APOH: variants seen among roughly 807,000 people sequenced by gnomAD.
APOH encodes apolipoprotein H, also known as beta-2-glycoprotein 1.
In APOH, 48 loss-of-function variants were observed where a neutral mutation model predicts 39.8. That is an observed-to-expected ratio of 1.21 (90% CI 0.96 to 1.54). The LOEUF is 1.54. Ranked by LOEUF, APOH falls within the 40% of genes most tolerant of loss-of-function variation. APOH has a pLI of 0.00. For synonymous variants in APOH, 153 were observed against 151.1 expected, an observed-to-expected ratio of 1.01 and a Z score of -0.09; for missense variants, 415 against 421.2, an observed-to-expected ratio of 0.99 and a Z score of 0.13.
rs779240883 is a variant in APOH at position 66,220,661 on chromosome 17, T to C, written c.497A>G (p.Tyr166Cys). 3 of 1,614,126 alleles carry C rather than the reference T, an allele frequency of 1.9e-6. No individual in the cohort carries two copies. The highest frequency in any genetic ancestry group is 2.2e-5 in the South Asian group (2 of 91,082). ...YKPSAGNNSLYRDTAVFECLP... is the reference protein window; with the variant it reads ...YKPSAGNNSLCRDTAVFECLP... ...ACATTCAAAAACTGCTGTGTCCCGA[T>C]AGAGGGAATTGTTTCCAGCTGATGG... is the stretch of plus-strand genomic sequence containing the variant. The change falls in exon 5 of 8, where the codon TAT (tyrosine) becomes TGT (cysteine). Residue 166 changes from tyrosine to cysteine, a missense_variant. Coordinates refer to ENST00000205948, the MANE Select transcript of APOH (RefSeq NM_000042.3).
At chr17:66,224,740 A>T (rs1324445191) in intron 3 of APOH, among the ~76,000 whole-genome samples, 2 of 146,600 alleles carry the variant, frequency 1.4e-5, no homozygotes, top group African/African-American at 5.1e-5. Context: ...AAGGAAAGGA[A>T]AGGAAAGGAA....
chr17:66,214,358 C>G, intron 7 of APOH, 95 bp downstream of exon 7: 1 of 1,246,292 alleles, frequency 8.0e-7, no homozygotes. Context: ...CGCACCTGGC[C>G]TCATCTGGTT....
At chr17:66,214,953 A>G (rs1223656703) in intron 6 of APOH, among the ~76,000 whole-genome samples, 1 of 149,834 alleles carries the variant, frequency 6.7e-6, no homozygotes, top group Non-Finnish European at 1.5e-5. Flanking sequence ...ACTAACAGAT[A>G]TTGACATTTC....
At chr17:66,220,404 C>T in intron 5 of APOH, 150 bp downstream of exon 5, 1 of 711,572 alleles carries the variant, frequency 1.4e-6, no homozygotes, top group East Asian at 2.7e-5. Context: ...TCCACAGTGC[C>T]CAGCACACTG....
At chr17:66,217,350 C>T (rs898818886) in intron 5 of APOH, among the ~76,000 whole-genome samples, 19 of 144,478 alleles carry the variant, frequency 1.3e-4, no homozygotes, top group Admixed American at 3.5e-4. Flanking sequence ...CTGAACCCCC[C>T]CCCCCATTCA....
In APOH at chr17:66,220,541, T is replaced by C; in HGVS notation, c.604+13A>G. On this transcript the variant is annotated intron_variant, in intron 5 of 7. Coordinates refer to ENST00000205948, the MANE Select transcript of APOH (RefSeq NM_000042.3). Reference sequence around the variant, plus strand: ...GCCCTACCATGCGTATTTTGTCTGATCATTGCACTTACCCCTGCATTCTGG... The same window carrying C: ...GCCCTACCATGCGTATTTTGTCTGACCATTGCACTTACCCCTGCATTCTGG... 1 of 1,612,612 alleles carries C rather than the reference T, an allele frequency of 6.2e-7. No individual in the cohort carries two copies. The highest frequency in any genetic ancestry group is 8.5e-7 in the Non-Finnish European group (1 of 1,178,654).
intron 4 of APOH, among the ~76,000 whole-genome samples, chr17:66,221,726 G>C (rs2073404069): frequency 6.6e-6 from 1 of 152,112 alleles, no homozygotes; most frequent in Non-Finnish European, 1.5e-5. Context: ...GGTATGGATG[G>C]AGCTTACCCA....
intron 3 of APOH, 142 bp downstream of exon 3, chr17:66,225,886 A>C: frequency 1.8e-6 from 1 of 557,234 alleles, no homozygotes; most frequent in Non-Finnish European, 3.0e-6. Context: ...CAAAAAAAAA[A>C]AAAAGCAGGA....
chr17:66,228,279 T>G, intron 1 of APOH, 83 bp from the exon 2 acceptor site: 1 of 1,452,808 alleles, frequency 6.9e-7, no homozygotes, highest in South Asian at 1.3e-5. Flanking sequence ...GAAAAATGTG[T>G]GTACTGTTAC....
At chr17:66,221,902 G>T (rs1367144183) in intron 4 of APOH, among the ~76,000 whole-genome samples, 1 of 152,190 alleles carries the variant, frequency 6.6e-6, no homozygotes, top group Non-Finnish European at 1.5e-5. Context: ...CCAGGGGCTA[G>T]CAGCACGGGC....
chr17:66,217,147 C>G (rs1191190418), intron 5 of APOH, among the ~76,000 whole-genome samples, 180 bp from the exon 6 acceptor site: 2 of 152,008 alleles, frequency 1.3e-5, no homozygotes, highest in Non-Finnish European at 2.9e-5. Flanking sequence ...CTGTGGTACC[C>G]TGGATATTAA....
chr17:66,224,486 A>G (rs906510589), intron 3 of APOH, among the ~76,000 whole-genome samples: 4 of 106,342 alleles, frequency 3.8e-5, no homozygotes, highest in South Asian at 2.4e-4. Flanking sequence ...AAAAAAAAAA[A>G]AAAAAGAAAA....
intron 1 of APOH, among the ~76,000 whole-genome samples, chr17:66,228,914 C>T (rs1274317171): frequency 6.6e-6 from 1 of 151,794 alleles, no homozygotes; most frequent in African/African-American, 2.4e-5. Flanking sequence ...CTCACTGCAA[C>T]CTCTGCCTCC....
chr17:66,219,960 T>C (rs927157184), intron 5 of APOH, among the ~76,000 whole-genome samples: 1 of 152,152 alleles, frequency 6.6e-6, no homozygotes, highest in African/African-American at 2.4e-5. Context: ...TTATAATTTG[T>C]CTGTTTGTTA....
chr17:66,229,318 C>T lies in APOH; in HGVS notation c.62G>A (p.Arg21Gln), dbSNP rs149659675. Residue 21 changes from arginine (R) to glutamine (Q), a missense_variant and splice_region_variant, in exon 1 of 8, where the codon CGG becomes CAG. This residue lies in a region of APOH where 288 missense variants were observed against 284.9 expected (regional missense o/e 1.01). Coordinates refer to ENST00000205948, the MANE Select transcript of APOH (RefSeq NM_000042.3). ...SFLCHVAIAG[R>Q]TCPKPDDLPF... ...TTTCAAAAGCAAAAAGTACTTACTC[C>T]GTCCTGCAATAGCAACATGGCAGAG... 43 of 1,612,700 alleles carry T rather than the reference C, an allele frequency of 2.7e-5. No homozygotes were observed. The highest frequency in any genetic ancestry group is 1.6e-4 in the African/African-American group (12 of 74,852).
chr17:66,228,558 T>C (rs1243394189), intron 1 of APOH: 1 of 166,930 alleles, frequency 6.0e-6, no homozygotes, highest in African/African-American at 2.4e-5. Context: ...TCCCAGCACT[T>C]TGGGAGGCTG....
intron 4 of APOH, among the ~76,000 whole-genome samples, chr17:66,221,273 G>A (rs1181203833): frequency 3.6e-5 from 5 of 140,066 alleles, no homozygotes; most frequent in Non-Finnish European, 7.7e-5. Context: ...AAGAAAGGAA[G>A]GAAGGAAGGA....
chr17:66,225,062 A>AG (rs1278250359), intron 3 of APOH, among the ~76,000 whole-genome samples: 2 of 87,296 alleles, frequency 2.3e-5, no homozygotes, highest in Non-Finnish European at 4.3e-5. Flanking sequence ...GCAAAAAGAA[A>AG]GGAAAAAAAA....
intron 3 of APOH, among the ~76,000 whole-genome samples, chr17:66,224,728 G>GAAAGGAAAGT: frequency 7.2e-6 from 1 of 139,768 alleles, no homozygotes; most frequent in East Asian, 2.1e-4. Context: ...GAAAGGAAAG[G>GAAAGGAAAGT]AAAGGAAAGG....
Sources: allele counts gnomAD v4.1 joint callset (sites outside exome capture counted in the v4.1 genomes callset), GRCh38; gene constraint gnomAD v4.1.1; regional missense constraint gnomAD v4.1.1; transcripts MANE v1.5; gene names NCBI Gene and HGNC (gene_info 2026-07-23, HGNC 2026-07-21).